MYL4: variants seen among roughly 807,000 people sequenced by gnomAD.
MYL4 encodes the protein atrial myosin light chain 1.
Under a neutral mutation model 21.6 loss-of-function variants are expected in MYL4, and 16 were observed. The observed-to-expected ratio is 0.74, with a 90% CI of 0.50 to 1.12. MYL4 has a LOEUF of 1.12. Ranked by LOEUF, MYL4 falls within the 50% of genes most tolerant of loss-of-function variation. The pLI is 0.00. For synonymous variants in MYL4, 82 were observed against 95.7 expected, an observed-to-expected ratio of 0.86 and a Z score of 0.83; for missense variants, 249 against 252.9, an observed-to-expected ratio of 0.98 and a Z score of 0.11.
At chr17:47,209,076 C>T (rs898568543), upstream of MYL4, 8 of 397,664 alleles carry the variant, frequency 2.0e-5, no homozygotes, top group East Asian at 5.7e-5. Flanking sequence ...CTGGCTGCTC[C>T]GGCATATTTG....
chr17:47,193,844 C>T, the MYL4 span, among the ~76,000 whole-genome samples: 1 of 152,124 alleles, frequency 6.6e-6, no homozygotes, highest in African/African-American at 2.4e-5. Flanking sequence ...CAACCTCCAC[C>T]TCCCAGGTTC....
upstream of MYL4, among the ~76,000 whole-genome samples, chr17:47,196,117 A>G (rs952176319): frequency 6.6e-6 from 1 of 152,218 alleles, no homozygotes; most frequent in Non-Finnish European, 1.5e-5. Flanking sequence ...GTATTTGGAC[A>G]TGGGGTCTCT....
chr17:47,191,051 G>T, the MYL4 span, among the ~76,000 whole-genome samples: 2 of 152,224 alleles, frequency 1.3e-5, no homozygotes, highest in African/African-American at 4.8e-5. Flanking sequence ...CAGTAGTTTA[G>T]CTCCAGCTTC....
At chr17:47,211,982 T>C (rs544013002) in intron 1 of MYL4, among the ~76,000 whole-genome samples, 17 of 152,214 alleles carry the variant, frequency 1.1e-4, no homozygotes, top group African/African-American at 3.9e-4. Flanking sequence ...CTCAGCACTT[T>C]GGGAGGTCGA....
rs116267646 is a variant in MYL4 at position 47,219,759 on chromosome 17, C to G, written c.164-145C>G. Reference sequence around the variant, plus strand: ...ATGGGATGAGGACGGGTTCGAGGGACGGCCTGGGATAATGGACAAAGCGAA... The same window carrying G: ...ATGGGATGAGGACGGGTTCGAGGGAGGGCCTGGGATAATGGACAAAGCGAA... On this transcript the variant is annotated intron_variant, in intron 2 of 6. Coordinates refer to ENST00000393450, the MANE Select transcript of MYL4 (RefSeq NM_002476.2). 3.7e-3 allele frequency: 3,710 copies of G among 997,230 alleles called. 95 individuals carry two copies. The African/African-American group carries it at 0.053, about 14-fold the overall frequency. The allele number at this position is 997,230 out of a possible 1,614,324, so 61.8% of individuals were successfully genotyped here. A position where few individuals can be genotyped will look rare whatever the true frequency, so the allele number is the denominator to read the frequency against.
rs546488126 is a variant in MYL4 at position 47,202,025 on chromosome 17, G to A, written c.-35+1439G>A. 1.6e-3 allele frequency among the ~76,000 whole-genome samples: 245 copies of A among 152,052 alleles called. 2 individuals are homozygous for A. The highest frequency in any genetic ancestry group is 2.2e-3 in the Admixed American group (33 of 15,280). The stretch of plus-strand genomic sequence containing the variant: ...TTTTGAGATGGAGTCTCATTCTGTC[G>A]CCCAGGCTGGAGTGCAGTGGCTCGA... On this transcript the variant is annotated intron_variant and NMD_transcript_variant, in intron 1 of 6. Coordinates refer to the MYL4 transcript ENST00000571981.
chr17:47,226,469 T>C (rs558293099), downstream of MYL4, among the ~76,000 whole-genome samples: 1 of 152,350 alleles, frequency 6.6e-6, no homozygotes, highest in Middle Eastern at 3.4e-3. Flanking sequence ...GCATGAGCCT[T>C]GGGGATATAC....
the MYL4 span, among the ~76,000 whole-genome samples, chr17:47,192,992 G>A: frequency 6.6e-6 from 1 of 152,238 alleles, no homozygotes; most frequent in East Asian, 1.9e-4. Flanking sequence ...TGGCATTTAG[G>A]GAACTATTCA....
At chr17:47,227,374 T>C (rs1162893318), downstream of MYL4, among the ~76,000 whole-genome samples, 1 of 152,252 alleles carries the variant, frequency 6.6e-6, no homozygotes, top group Admixed American at 6.5e-5. Context: ...AAGTTCACGA[T>C]TTTCTTCAAC....
At chr17:47,222,217 C>A (rs867631193) in intron 4 of MYL4, 163 bp from the exon 5 acceptor site, 1 of 698,374 alleles carries the variant, frequency 1.4e-6, no homozygotes, top group Middle Eastern at 2.4e-4. Context: ...GACCTTTAGA[C>A]CCTTGGCCGC....
chr17:47,204,404 C>CCATG (rs2064719818), upstream of MYL4, among the ~76,000 whole-genome samples: 1 of 152,078 alleles, frequency 6.6e-6, no homozygotes, highest in Non-Finnish European at 1.5e-5. Flanking sequence ...GGATAGGGAG[C>CCATG]CATGGTCACA....
In MYL4 at chr17:47,209,498, G is replaced by A; in HGVS notation, c.76G>A (p.Ala26Thr). 6.2e-7 allele frequency: 1 copy of A among 1,614,226 alleles called. No homozygotes were observed. Among genetic ancestry groups the A allele is most frequent in the African/African-American group, 1.3e-5 (1 of 75,070 alleles). Residue 26 changes from alanine (A) to threonine (T), a missense_variant, in exon 1 of 7, where the codon GCC becomes ACC. Coordinates refer to ENST00000393450, the MANE Select transcript of MYL4 (RefSeq NM_002476.2). ...AGCTCCAGCTCCAGCCCCTGCACCA[G>A]CCCCTGCCCCAGCTCCTGAGGCTCC... ...APAPAPAPAP[A>T]PAPAPEAPKE...
chr17:47,193,905 G>A, the MYL4 span, among the ~76,000 whole-genome samples: 4 of 152,000 alleles, frequency 2.6e-5, no homozygotes, highest in East Asian at 1.9e-4. Context: ...ACAGGCACAC[G>A]CCACCATGCC....
chr17:47,223,962 C>T (rs780436663), downstream of MYL4, among the ~76,000 whole-genome samples: 1 of 152,190 alleles, frequency 6.6e-6, no homozygotes, highest in African/African-American at 2.4e-5. Context: ...CCTAATCACA[C>T]CTCCAGATGG....
Position 47,209,377 on chromosome 17 carries a change from G to C in MYL4, c.-46G>C, listed in dbSNP as rs2064754017. 17 of 1,613,776 alleles carry C rather than the reference G, an allele frequency of 1.1e-5. No homozygotes were observed. The highest frequency in any genetic ancestry group is 1.4e-5 in the Non-Finnish European group (17 of 1,179,954). ...CATCTCCCAGACGCCACGTCTCTCG[G>C]TTTCTTCTTAGATCACTCCTCTGCC... On this transcript the variant is annotated 5_prime_UTR_variant, in exon 1 of 7. Transcript: ENST00000393450.
At chr17:47,195,274 G>A in the MYL4 span, among the ~76,000 whole-genome samples, 1 of 150,202 alleles carries the variant, frequency 6.7e-6, no homozygotes, top group African/African-American at 2.5e-5. Context: ...TTGTTGCCCA[G>A]GCTGGAGTGC....
At chr17:47,217,462 A>G (rs1247915608) in intron 2 of MYL4, among the ~76,000 whole-genome samples, 1 of 152,154 alleles carries the variant, frequency 6.6e-6, no homozygotes, top group Non-Finnish European at 1.5e-5. Context: ...TGTCTCCAAA[A>G]AAAAAAAAGA....
At chr17:47,204,072 C>T (rs2064718679), upstream of MYL4, among the ~76,000 whole-genome samples, 1 of 152,222 alleles carries the variant, frequency 6.6e-6, no homozygotes, top group Admixed American at 6.5e-5. Context: ...CTGTTTTGAT[C>T]ACAAGCACAG....
downstream of MYL4, among the ~76,000 whole-genome samples, chr17:47,224,705 G>T (rs1383208609): frequency 6.6e-6 from 1 of 152,086 alleles, no homozygotes; most frequent in Non-Finnish European, 1.5e-5. Flanking sequence ...CCATTGTATA[G>T]GTCAACCACG....
Sources: allele counts gnomAD v4.1 joint callset (sites outside exome capture counted in the v4.1 genomes callset), GRCh38; gene constraint gnomAD v4.1.1; transcripts MANE v1.5; gene names NCBI Gene and HGNC (gene_info 2026-07-23, HGNC 2026-07-21).